MROH7: variants seen among roughly 807,000 people sequenced by gnomAD.
MROH7 encodes the protein maestro heat-like repeat-containing protein family member 7.
MROH7 carries 113 observed loss-of-function variants against 129.2 expected under a neutral mutation model. The observed-to-expected ratio is 0.87, with a 90% confidence interval of 0.75 to 1.02. The LOEUF is 1.02. Ranked by LOEUF, MROH7 falls within the 50% of genes least tolerant of loss-of-function variation. The pLI is 0.00. For synonymous variants in MROH7, 655 were observed against 667.9 expected (o/e 0.98, Z 0.30); for missense variants, 1,601 against 1,671.3 (o/e 0.96, Z 0.73).
intron 15 of MROH7, among the ~76,000 whole-genome samples, chr1:54,690,626 G>A (rs1557719949): frequency 6.6e-6 from 1 of 152,012 alleles, no homozygotes; most frequent in African/African-American, 2.4e-5. Context: ...TGTATTTTTA[G>A]TAGAGACAGG....
chr1:54,699,949 C>T (rs980102749), intron 17 of MROH7: 3 of 595,676 alleles, frequency 5.0e-6, no homozygotes, highest in Non-Finnish European at 6.0e-6. Context: ...GGGCATTTTG[C>T]CAGCACAGAA....
At chr1:54,663,689 A>AC in intron 3 of MROH7, 1 of 384,264 alleles carries the variant, frequency 2.6e-6, no homozygotes, top group South Asian at 1.8e-5. Flanking sequence ...CAGCTCTAAA[A>AC]AAAAAAAAAA....
intron 17 of MROH7, chr1:54,695,835 T>A: frequency 2.8e-6 from 1 of 360,160 alleles, no homozygotes; most frequent in Non-Finnish European, 5.4e-6. Context: ...GACACCCCAG[T>A]TATAACAGGG....
In MROH7 at chr1:54,686,296, CTGCA is replaced by C. The variant is rs1186136946; in HGVS notation, c.2562_2565del (p.Cys854TrpfsTer4). 2 of 1,613,966 alleles carry C rather than the reference CTGCA, an allele frequency of 1.2e-6. No homozygotes were observed. The highest frequency in any genetic ancestry group is 1.7e-5 in the Admixed American group (1 of 60,006). On this transcript the variant is annotated frameshift_variant, in exon 15 of 24. Transcript: ENST00000421030. LOFTEE classifies it high-confidence loss of function. ...TGTGCGAGCTCCTGTCCGTCAACAG[CTGCA>C]TGGGCCGTGTGAGGCGCATCTACCC...
Position 54,702,726 on chromosome 1 carries a change from C to G in MROH7, c.3545C>G (p.Ala1182Gly). Reference sequence around the variant, plus strand: ...TGGGACAACCAACAGCAGACAGTGGCCAAAATTTGCAAGTGCCTTGTGAGT... The same window carrying G: ...TGGGACAACCAACAGCAGACAGTGGGCAAAATTTGCAAGTGCCTTGTGAGT... ...KPWDNQQQTV[A>G]KICKCLVNTH... Residue 1182 changes from alanine to glycine, a missense_variant, in exon 21 of 24, where the codon GCC becomes GGC. Physicochemically the swap from Ala to Gly is moderately conservative, Grantham distance 60. Coordinates refer to ENST00000421030, the MANE Select transcript of MROH7 (RefSeq NM_001039464.4). 1 of 1,613,092 alleles carries G rather than the reference C, an allele frequency of 6.2e-7. No homozygotes were observed. Among genetic ancestry groups the G allele is most frequent in the Non-Finnish European group, 8.5e-7 (1 of 1,179,568 alleles).
At chr1:54,657,223 A>T (rs916641087) in intron 3 of MROH7, among the ~76,000 whole-genome samples, 1 of 151,562 alleles carries the variant, frequency 6.6e-6, no homozygotes, top group South Asian at 2.1e-4. Context: ...AATTTTTTAA[A>T]TATTTTTAGT....
At position 54,692,542 on chromosome 1, in the gene MROH7, G is replaced by A. The variant is rs544132487; in HGVS notation, c.2830G>A (p.Gly944Arg). 51 of 1,613,686 alleles carry A rather than the reference G, an allele frequency of 3.2e-5. No individual in the cohort carries two copies. Among genetic ancestry groups the A allele is most frequent in the South Asian group, 1.5e-4 (14 of 91,072 alleles). The change falls in exon 16 of 24, where the codon GGA becomes AGA. Residue 944 changes from glycine (G) to arginine (R), a missense_variant. Transcript: ENST00000421030. ...GGAGCAGGTGGAGAGCCACCACCGC[G>A]GAGTGGCCTTGCTGGCAAGGTGAGT... ...LMEQVESHHR[G>R]VALLARAMVQ...
intron 4 of MROH7, 142 bp downstream of exon 4, chr1:54,665,382 A>T (rs1262492463): frequency 3.3e-6 from 2 of 605,646 alleles, no homozygotes; most frequent in Non-Finnish European, 5.9e-6. Context: ...TTGCCGTCTG[A>T]TGTGCCATAT....
At chr1:54,705,359 G>T (rs1220378845) in intron 21 of MROH7, among the ~76,000 whole-genome samples, 2 of 152,138 alleles carry the variant, frequency 1.3e-5, no homozygotes, top group African/African-American at 4.8e-5. Context: ...CCCTGTCCAG[G>T]GTGCTGAGAC....
chr1:54,700,306 C>T lies in MROH7; in HGVS notation c.2965-15C>T, dbSNP rs535363617. 1 of 1,614,058 alleles carries T rather than the reference C, an allele frequency of 6.2e-7. No homozygotes were observed. Among genetic ancestry groups the T allele is most frequent in the African/African-American group, 1.3e-5 (1 of 75,060 alleles). On this transcript the variant is annotated splice_polypyrimidine_tract_variant and intron_variant, in intron 17 of 23. Coordinates refer to ENST00000421030, the MANE Select transcript of MROH7 (RefSeq NM_001039464.4). ...CCCCCTCAGCCTGGGAAGTAATGAC[C>T]CTTTGCTCCCTCAGCTCCTCCAGAT...
chr1:54,645,638 C>T (rs1463268424), intron 1 of MROH7, among the ~76,000 whole-genome samples: 2 of 130,862 alleles, frequency 1.5e-5, no homozygotes, highest in Non-Finnish European at 3.1e-5. Context: ...TATTTCTTTT[C>T]TTTTCTTTCT....
rs529694527 is a variant in MROH7 at position 54,652,709 on chromosome 1, G to A, written c.-74-144G>A. On this transcript the variant is annotated intron_variant, in intron 2 of 23. Coordinates refer to ENST00000421030, the MANE Select transcript of MROH7 (RefSeq NM_001039464.4). The stretch of plus-strand genomic sequence containing the variant: ...GAGAGACTGTGGAGGCAAGTGGCAA[G>A]TGATGGGCTGGAAAGGTGGGCTGGG... The A allele has an allele frequency of 1.0e-3, 530 of 529,262 alleles. 1 individual carries two copies. The highest frequency in any genetic ancestry group is 1.5e-3 in the Non-Finnish European group (458 of 307,934). 32.8% of individuals were successfully genotyped at this position (529,262 alleles called of 1,614,324 possible). A position where few individuals can be genotyped will look rare whatever the true frequency, so the allele number is the denominator to read the frequency against.
At chr1:54,696,325 C>T (rs895241606) in intron 17 of MROH7, among the ~76,000 whole-genome samples, 11 of 152,148 alleles carry the variant, frequency 7.2e-5, no homozygotes, top group African/African-American at 2.2e-4. Flanking sequence ...GTAAAATATA[C>T]GTAACATAAA....
At chr1:54,695,680 T>G in intron 17 of MROH7, 190 bp downstream of exon 17, 1 of 633,936 alleles carries the variant, frequency 1.6e-6, no homozygotes. Context: ...CTTTACTCCA[T>G]TCCACTCTTA....
At chr1:54,642,477 G>T (rs1043745716) in intron 1 of MROH7, among the ~76,000 whole-genome samples, 12 of 152,306 alleles carry the variant, frequency 7.9e-5, no homozygotes, top group Non-Finnish European at 1.5e-4. Flanking sequence ...AGGGAATGGG[G>T]AATAAGAAAC....
In MROH7 at chr1:54,678,851, C is replaced by T. The variant is rs777665623; in HGVS notation, c.2046C>T (p.Ile682=). 20 of 1,612,622 alleles carry T rather than the reference C, an allele frequency of 1.2e-5. No individual in the cohort carries two copies. The highest frequency in any genetic ancestry group is 1.6e-5 in the Non-Finnish European group (19 of 1,178,868). Residue 682 remains isoleucine, a synonymous_variant, in exon 11 of 24, where the codon ATC becomes ATT. Coordinates refer to ENST00000421030, the MANE Select transcript of MROH7 (RefSeq NM_001039464.4). The part of the protein sequence containing the change: ...VSPCQNILRV[I]EEFGDFLGPQ... ...CGTGCCAGAACATTCTGCGGGTGAT[C>T]GAGGTGACTGCCTGGTGCCCATCCA...
chr1:54,708,554 G>T (rs978225647), intron 22 of MROH7, among the ~76,000 whole-genome samples: 5 of 152,212 alleles, frequency 3.3e-5, no homozygotes, highest in African/African-American at 9.7e-5. Flanking sequence ...TGCATCAGAG[G>T]AGTCATCAGA....
At position 54,706,373 on chromosome 1, in the gene MROH7, G is replaced by C. The variant is rs113819799; in HGVS notation, c.3565-62G>C. On this transcript the variant is annotated intron_variant, in intron 21 of 23. Coordinates refer to ENST00000421030, the MANE Select transcript of MROH7 (RefSeq NM_001039464.4). ...GGGTCACCATTCCTAGCTTCAAGAA[G>C]GGTGGATGGGCAATTGGTTCCTCTG... The C allele has an allele frequency of 1.3e-3, 1,543 of 1,215,302 alleles. 4 individuals are homozygous for C. The highest frequency in any genetic ancestry group is 1.7e-3 in the Non-Finnish European group (1,366 of 824,688). The allele number at this position is 1,215,302 out of a possible 1,614,324, so 75.3% of individuals were successfully genotyped here. A position where few individuals can be genotyped will look rare whatever the true frequency, so the allele number is the denominator to read the frequency against.
chr1:54,665,562 G>C (rs1644800884), intron 4 of MROH7: 1 of 199,966 alleles, frequency 5.0e-6, no homozygotes, highest in Non-Finnish European at 1.0e-5. Context: ...TGAATTGTGA[G>C]AGGGGCTCTG....
Sources: gnomAD v4.1 joint callset for allele counts (sites outside exome capture counted in the v4.1 genomes callset) on GRCh38, gnomAD v4.1.1 for gene constraint, MANE v1.5 for transcripts, NCBI Gene and HGNC (gene_info 2026-07-23, HGNC 2026-07-21) for gene names.